SOX5: variants seen among roughly 807,000 people sequenced by gnomAD.
SOX5 encodes transcription factor SOX-5.
A neutral mutation model predicts 92.0 loss-of-function variants in SOX5; 9 were observed. The observed-to-expected ratio is 0.10, with a 90% CI of 0.06 to 0.17. The LOEUF (loss-of-function observed/expected upper bound fraction) is 0.17, where lower values mean the gene tolerates loss of function less well. SOX5 is among the 10% of genes least tolerant of loss of function. The pLI, the probability that SOX5 is intolerant of heterozygous loss-of-function variation, is 1.00. For missense variants in SOX5, 642 were observed against 944.5 expected (o/e 0.68, Z 4.20); for synonymous variants, 344 against 336.3 (o/e 1.02, Z -0.25).
intron 6 of SOX5, among the ~76,000 whole-genome samples, chr12:23,714,850 G>A (rs2092363424): frequency 6.6e-6 from 1 of 152,060 alleles, no homozygotes; most frequent in Non-Finnish European, 1.5e-5. Flanking sequence ...GTCATACTTT[G>A]TAAAATTTAT....
intron 10 of SOX5, among the ~76,000 whole-genome samples, chr12:23,569,960 G>A (rs73089361): frequency 0.05 from 7,649 of 152,204 alleles, 267 homozygotes; most frequent in Non-Finnish European, 0.071. Flanking sequence ...AGGATCTGTT[G>A]AAGAAATAAA....
intron 1 of SOX5, among the ~76,000 whole-genome samples, chr12:24,483,691 C>T (rs370500180): frequency 8.5e-5 from 13 of 152,286 alleles, no homozygotes; most frequent in African/African-American, 2.9e-4. Flanking sequence ...TAATTGTTCA[C>T]GTGAGCTGCT....
rs190789301 is a variant in SOX5 at position 23,860,905 on chromosome 12, G to A, written c.271-14712C>T. On this transcript the variant is annotated intron_variant, in intron 2 of 14. Coordinates refer to ENST00000451604, the MANE Select transcript of SOX5 (RefSeq NM_006940.6). ...GGGTCTGCCCTGTACATTTTTGAAA[G>A]TTTATCGTTATTTATAACTAGATTT... 4.5e-5 allele frequency among the ~76,000 whole-genome samples: 6 copies of A among 132,418 alleles called. No homozygotes were observed. The East Asian group carries it at 1.4e-3, about 30-fold the overall frequency. 86.9% of individuals were successfully genotyped at this position (132,418 alleles called of 152,430 possible).
At chr12:24,009,716 T>C (rs140567987) in intron 4 of SOX5, among the ~76,000 whole-genome samples, 1 of 152,288 alleles carries the variant, frequency 6.6e-6, no homozygotes, top group Non-Finnish European at 1.5e-5. Context: ...TGGCCTGTGG[T>C]ATTTAGTCAA....
intron 2 of SOX5, among the ~76,000 whole-genome samples, chr12:23,864,434 A>G (rs1480477129): frequency 6.6e-6 from 1 of 152,232 alleles, no homozygotes; most frequent in Non-Finnish European, 1.5e-5. Context: ...GCATGTGGAA[A>G]GCAGAGATAG....
rs577358893 is a variant in SOX5, at chr12:23,533,844, T to C, written c.*375A>G. On this transcript the variant is annotated 3_prime_UTR_variant, in exon 15 of 15. Coordinates refer to ENST00000451604, the MANE Select transcript of SOX5 (RefSeq NM_006940.6). ...ACAAAACACATTCACAAGCCACTTG[T>C]TGGCACTGTGTACCTGAGTGAGAAT... is the stretch of plus-strand genomic sequence containing the variant. 4.2e-4 allele frequency: 67 copies of C among 159,758 alleles called. No homozygotes were observed. Among genetic ancestry groups the C allele is most frequent in the Admixed American group, 9.5e-4 (15 of 15,824 alleles). The allele number at this position is 159,758 out of a possible 1,614,324, so 9.9% of individuals were successfully genotyped here. A position where few individuals can be genotyped will look rare whatever the true frequency, so the allele number is the denominator to read the frequency against.
chr12:24,365,804 C>A (rs1227789636), intron 2 of SOX5, among the ~76,000 whole-genome samples: 1 of 151,554 alleles, frequency 6.6e-6, no homozygotes, highest in Non-Finnish European at 1.5e-5. Flanking sequence ...TTTTATGTTG[C>A]CAGTGTAAAG....
At chr12:24,253,451 C>A (rs10842298) in intron 3 of SOX5, among the ~76,000 whole-genome samples, 2 of 151,894 alleles carry the variant, frequency 1.3e-5, no homozygotes, top group Non-Finnish European at 2.9e-5. Context: ...ACCATTGATC[C>A]TTATTCATCT....
intron 8 of SOX5, among the ~76,000 whole-genome samples, chr12:23,617,617 G>T (rs79104635): frequency 0.015 from 2,312 of 152,212 alleles, 30 homozygotes; most frequent in Non-Finnish European, 0.022. Context: ...AAAAATTAAA[G>T]ATACATTTGA....
chr12:24,236,270 T>A (rs146513509), intron 3 of SOX5, among the ~76,000 whole-genome samples: 371 of 152,180 alleles, frequency 2.4e-3, no homozygotes, highest in South Asian at 4.8e-3. Flanking sequence ...TGAAAGAACT[T>A]GTGTCATTCT....
chr12:23,816,563 G>T (rs1240841173), intron 3 of SOX5, among the ~76,000 whole-genome samples: 1 of 152,008 alleles, frequency 6.6e-6, no homozygotes, highest in African/African-American at 2.4e-5. Flanking sequence ...CTGGTAGAGG[G>T]GAAACCTGAA....
intron 1 of SOX5, among the ~76,000 whole-genome samples, chr12:23,931,374 A>T (rs949056377): frequency 6.6e-6 from 1 of 151,788 alleles, no homozygotes; most frequent in East Asian, 1.9e-4. Context: ...CTAGCTTCAC[A>T]TCACACAGCC....
At chr12:24,409,466 AT>A (rs887487122) in intron 1 of SOX5, among the ~76,000 whole-genome samples, 10 of 152,066 alleles carry the variant, frequency 6.6e-5, no homozygotes, top group East Asian at 1.9e-4. Flanking sequence ...AGAAAAAATA[AT>A]TTTTTTTAAA....
rs374725305 is a variant in SOX5 at position 24,391,886 on chromosome 12, CTT to C, written c.-250-23249_-250-23248del. Reference sequence around the variant, plus strand: ...GGTAACATTTACTCAACTTGAGTCTCTTGATGCTTTTCTTCTACAGGTTATTT... The same window carrying C: ...GGTAACATTTACTCAACTTGAGTCTCGATGCTTTTCTTCTACAGGTTATTT... On this transcript the variant is annotated intron_variant, in intron 1 of 4. Coordinates refer to the SOX5 transcript ENST00000446891. Among the ~76,000 whole-genome samples the C allele has an allele frequency of 1.4e-4, 21 of 152,240 alleles. 1 individual carries two copies. The highest frequency in any genetic ancestry group is 5.1e-4 in the African/African-American group (21 of 41,532).
chr12:24,334,889 T>G (rs1348631873), intron 2 of SOX5, among the ~76,000 whole-genome samples: 1 of 144,548 alleles, frequency 6.9e-6, no homozygotes, highest in Non-Finnish European at 1.5e-5. Flanking sequence ...TTACACCATA[T>G]TTACAGTTAC....
intron 3 of SOX5, among the ~76,000 whole-genome samples, chr12:24,275,151 T>G (rs1415447797): frequency 2.6e-5 from 4 of 152,300 alleles, no homozygotes; most frequent in Admixed American, 6.5e-5. Context: ...TATATATACC[T>G]TCTGAAAATC....
intron 7 of SOX5, among the ~76,000 whole-genome samples, chr12:23,660,971 C>T (rs1439679369): frequency 2.0e-5 from 3 of 152,124 alleles, no homozygotes; most frequent in African/African-American, 7.2e-5. Flanking sequence ...ACCCTGGGAA[C>T]CTTGGCACAC....
chr12:24,453,673 G>A (rs898200968), intron 1 of SOX5, among the ~76,000 whole-genome samples: 3 of 152,146 alleles, frequency 2.0e-5, no homozygotes, highest in Admixed American at 6.5e-5. Flanking sequence ...ATTCACACAA[G>A]CAAATCACTC....
intron 1 of SOX5, among the ~76,000 whole-genome samples, chr12:24,381,385 A>T (rs375453878): frequency 1.3e-5 from 2 of 152,016 alleles, no homozygotes; most frequent in Non-Finnish European, 2.9e-5. Context: ...GGCCCTGATA[A>T]ATAAGGCAGA....
Sources: allele counts gnomAD v4.1 joint callset (sites outside exome capture counted in the v4.1 genomes callset), GRCh38; gene constraint gnomAD v4.1.1; transcripts MANE v1.5; gene names NCBI Gene and HGNC (gene_info 2026-07-23, HGNC 2026-07-21).